The following PCDH11X variants were observed in gnomAD, a reference collection of about 807,000 sequenced individuals.
The protein encoded by PCDH11X is protocadherin 11 X-linked.
PCDH11X carries 18 observed loss-of-function variants against 53.3 expected under a neutral mutation model. The ratio of observed to expected loss-of-function variants is 0.34; its 90% CI spans 0.23 to 0.50. PCDH11X has a LOEUF of 0.50. PCDH11X is among the 20% of genes least tolerant of loss of function. PCDH11X has a pLI of 0.98. For missense variants in PCDH11X, 570 were observed against 1,032.4 expected, an observed-to-expected ratio of 0.55 and a Z score of 6.14; for synonymous variants, 279 against 393.3, an observed-to-expected ratio of 0.71 and a Z score of 3.44.
chrX:92,518,807 A>C (rs1199353178), intron 10 of PCDH11X, among the ~76,000 whole-genome samples: 1 of 82,624 alleles, frequency 1.2e-5, no homozygotes, highest in African/African-American at 5.0e-5. Flanking sequence ...CCCAGGCTGG[A>C]GTGCAGTGGT....
chrX:92,108,966 CA>C (rs1361538262), intron 6 of PCDH11X, among the ~76,000 whole-genome samples: 3 of 111,823 alleles, frequency 2.7e-5, no homozygotes, highest in African/African-American at 6.5e-5. Context: ...TTATTAAGAC[CA>C]GGGGGACTGC....
intron 6 of PCDH11X, among the ~76,000 whole-genome samples, chrX:92,087,943 G>GAT (rs1176347904): frequency 5.7e-5 from 6 of 104,420 alleles, no homozygotes; most frequent in Admixed American, 2.1e-4. Flanking sequence ...ATATATATAT[G>GAT]ATATATATAT....
chrX:92,351,662 C>G (rs973976363), intron 8 of PCDH11X, among the ~76,000 whole-genome samples: 30 of 111,485 alleles, frequency 2.7e-4, no homozygotes, highest in African/African-American at 9.1e-4. Context: ...TTACTGCAAG[C>G]ATCATATTAG....
chrX:92,526,153 C>A (rs938825799), intron 10 of PCDH11X, among the ~76,000 whole-genome samples: 1 of 110,421 alleles, frequency 9.1e-6, no homozygotes, highest in Non-Finnish European at 1.9e-5. Flanking sequence ...TTTCTTTTTT[C>A]TTCTACAACC....
chrX:92,241,502 C>T (rs2067261493), intron 7 of PCDH11X, among the ~76,000 whole-genome samples: 1 of 111,952 alleles, frequency 8.9e-6, no homozygotes, highest in Non-Finnish European at 1.9e-5. Context: ...TTTCCAGTTT[C>T]TTGGTTAGAT....
intron 6 of PCDH11X, among the ~76,000 whole-genome samples, chrX:92,004,251 T>C (rs1005514024): frequency 1.8e-5 from 2 of 112,241 alleles, no homozygotes; most frequent in African/African-American, 3.2e-5. Flanking sequence ...AAATGCCAGA[T>C]ATTATTTTAA....
Position 91,782,040 on chromosome X carries a change from G to T in PCDH11X, c.-379+2356G>T, listed in dbSNP as rs986684415. ...CCTCCTTCTGGCAATGATGTCAGCT[G>T]CAGAGAGGCTTGGCCCGGCCGATGG... On this transcript the variant is annotated intron_variant, in intron 1 of 10. Transcript: ENST00000682573. 1.3e-4 allele frequency among the ~76,000 whole-genome samples: 14 copies of T among 109,119 alleles called. No homozygotes were observed. The Middle Eastern group carries it at 0.014, about 111-fold the overall frequency. 94.8% of individuals were successfully genotyped at this position (109,119 alleles called of 115,157 possible).
At chrX:92,444,126 T>C (rs2072577145) in intron 9 of PCDH11X, among the ~76,000 whole-genome samples, 1 of 110,385 alleles carries the variant, frequency 9.1e-6, no homozygotes, top group Admixed American at 9.7e-5. Flanking sequence ...TTGGGCAGTA[T>C]GGCCATATTA....
intron 7 of PCDH11X, among the ~76,000 whole-genome samples, chrX:92,234,423 C>G (rs926998709): frequency 8.9e-6 from 1 of 112,036 alleles, no homozygotes; most frequent in African/African-American, 3.2e-5. Flanking sequence ...ATTATTAAGG[C>G]ATGGCTGTGT....
At chrX:92,175,200 C>T (rs1412161642) in intron 6 of PCDH11X, among the ~76,000 whole-genome samples, 1 of 111,292 alleles carries the variant, frequency 9.0e-6, no homozygotes, top group Non-Finnish European at 1.9e-5. Flanking sequence ...TGGTCTCGAA[C>T]TCCCGACCTC....
chrX:91,839,988 C>T (rs1055448396), intron 5 of PCDH11X, among the ~76,000 whole-genome samples: 1 of 111,508 alleles, frequency 9.0e-6, no homozygotes, highest in African/African-American at 3.3e-5. Context: ...AATCACAGAT[C>T]TCTTTAACTT....
At chrX:92,031,137 A>T (rs1250020062) in intron 6 of PCDH11X, among the ~76,000 whole-genome samples, 1 of 111,456 alleles carries the variant, frequency 9.0e-6, no homozygotes, top group Non-Finnish European at 1.9e-5. Flanking sequence ...TCCACATCCT[A>T]ACCAACATTT....
intron 7 of PCDH11X, among the ~76,000 whole-genome samples, chrX:92,247,140 G>A (rs549659530): frequency 3.6e-5 from 4 of 111,598 alleles, no homozygotes; most frequent in South Asian, 3.7e-4. Context: ...AAGCCTTATC[G>A]CATTCATTTT....
intron 6 of PCDH11X, among the ~76,000 whole-genome samples, chrX:91,940,171 C>T (rs1386936845): frequency 9.0e-6 from 1 of 110,601 alleles, no homozygotes; most frequent in Non-Finnish European, 1.9e-5. Context: ...TCCCCCATGC[C>T]TCTCTTGCTC....
At chrX:92,066,971 G>A (rs1321921402) in intron 6 of PCDH11X, among the ~76,000 whole-genome samples, 1 of 111,596 alleles carries the variant, frequency 9.0e-6, no homozygotes, top group African/African-American at 3.3e-5. Context: ...GGGCATGGTG[G>A]TGCATGCCTG....
intron 6 of PCDH11X, among the ~76,000 whole-genome samples, chrX:92,148,778 GTA>G (rs757499812): frequency 3.7e-4 from 38 of 104,034 alleles, no homozygotes; most frequent in South Asian, 1.3e-3. Context: ...ATATGTGTGT[GTA>G]TATATATATA....
chrX:92,382,049 A>G (rs2070887246), intron 8 of PCDH11X, among the ~76,000 whole-genome samples: 1 of 111,410 alleles, frequency 9.0e-6, no homozygotes, highest in Admixed American at 9.6e-5. Flanking sequence ...ATACTGAGTA[A>G]TTACAAATCA....
At chrX:91,965,886 C>T (rs2061856129) in intron 6 of PCDH11X, among the ~76,000 whole-genome samples, 1 of 111,609 alleles carries the variant, frequency 9.0e-6, no homozygotes, top group South Asian at 3.8e-4. Flanking sequence ...CTACTCACTG[C>T]ACAGAAAGCC....
chrX:91,793,635 C>G (rs903804479), intron 1 of PCDH11X, among the ~76,000 whole-genome samples: 11 of 111,359 alleles, frequency 9.9e-5, no homozygotes, highest in Non-Finnish European at 2.1e-4. Flanking sequence ...AGTCAAACTT[C>G]AAGGGATTGT....
Sources: allele counts gnomAD v4.1 joint callset (sites outside exome capture counted in the v4.1 genomes callset), GRCh38; gene constraint gnomAD v4.1.1; transcripts MANE v1.5; gene names NCBI Gene and HGNC (gene_info 2026-07-23, HGNC 2026-07-21).